COL4A4: variants seen among roughly 807,000 people sequenced by gnomAD.
COL4A4 encodes the protein collagen alpha-4(IV) chain.
A neutral mutation model predicts 192.9 loss-of-function variants in COL4A4; 105 were observed. That is an observed-to-expected ratio of 0.54 (90% confidence interval 0.46 to 0.64). COL4A4 has a LOEUF of 0.64. Among genes scored for constraint, COL4A4 ranks in the 30% least tolerant of loss-of-function variants. The probability of loss-of-function intolerance (pLI) is 0.00; values close to 1 mark genes in which losing one functional copy is unlikely to be tolerated. For missense variants in COL4A4, 1,967 were observed against 2,169.3 expected (o/e 0.91, Z 1.85); for synonymous variants, 762 against 769.9 (o/e 0.99, Z 0.17).
At chr2:226,972,923 C>A in the COL4A4 span, among the ~76,000 whole-genome samples, 52 of 130,618 alleles carry the variant, frequency 4.0e-4, no homozygotes, top group African/African-American at 9.8e-4. Context: ...GGAAGGAAGC[C>A]TGTAGCAAAA....
chr2:226,976,023 G>T, the COL4A4 span, among the ~76,000 whole-genome samples: 1 of 151,738 alleles, frequency 6.6e-6, no homozygotes, highest in African/African-American at 2.4e-5. Context: ...AGCATAGCAG[G>T]GCCTGTCTGG....
intron 33 of COL4A4, 121 bp downstream of exon 33, chr2:227,050,856 A>G (rs1973946777): frequency 4.3e-6 from 5 of 1,172,834 alleles, no homozygotes; most frequent in Non-Finnish European, 6.4e-6. Context: ...GCTACACCTT[A>G]CATTCTAAAA....
At chr2:227,029,051 A>C (rs1245543150) in intron 41 of COL4A4, among the ~76,000 whole-genome samples, 1 of 152,192 alleles carries the variant, frequency 6.6e-6, no homozygotes, top group Admixed American at 6.5e-5. Context: ...TCACTGTGTA[A>C]GTCATAAAAG....
intron 25 of COL4A4, 80 bp downstream of exon 25, chr2:227,077,814 C>T (rs561838552): frequency 7.7e-5 from 99 of 1,287,548 alleles, no homozygotes; most frequent in Admixed American, 2.4e-4. Context: ...GAATTCACCA[C>T]TATATAATTC....
chr2:227,086,749 A>G (rs1165684763), intron 22 of COL4A4, among the ~76,000 whole-genome samples: 1 of 152,184 alleles, frequency 6.6e-6, no homozygotes, highest in African/African-American at 2.4e-5. Flanking sequence ...CCGCAAAAAT[A>G]TTTTAGAGCC....
At chr2:227,138,745 A>T (rs755676130) in intron 4 of COL4A4, among the ~76,000 whole-genome samples, 6 of 152,220 alleles carry the variant, frequency 3.9e-5, no homozygotes, top group Admixed American at 6.5e-5. Context: ...GTCATAACTT[A>T]TGCTCAATAA....
At position 227,088,785 on chromosome 2, in the gene COL4A4, T is replaced by C. The variant is rs2059738609; in HGVS notation, c.1491A>G (p.Gly497=). 3 of 1,614,126 alleles carry C rather than the reference T, an allele frequency of 1.9e-6. No homozygotes were observed. The highest frequency in any genetic ancestry group is 1.7e-5 in the Admixed American group (1 of 60,016). The change falls in exon 22 of 48, where the codon GGA becomes GGG. Residue 497 remains glycine (G), a synonymous_variant. Transcript: ENST00000396625. ...CTGGAGGGCCAGGGGGGCCCATGGG[T>C]CCAGGCTCACAGGCACAGAGTCCTT... ...GNEGLCACEP[G]PMGPPGPPGL...
intron 35 of COL4A4, 132 bp from the exon 36 acceptor site, chr2:227,043,316 A>G (rs1326306062): frequency 1.3e-6 from 1 of 783,590 alleles, no homozygotes; most frequent in Middle Eastern, 3.3e-4. Flanking sequence ...TGGAAAGGAA[A>G]ATAACGTTAA....
chr2:227,050,147 A>C lies in COL4A4; in HGVS notation c.3151-16T>G. 6.2e-7 allele frequency: 1 copy of C among 1,611,198 alleles called. No individual in the cohort carries two copies. Among genetic ancestry groups the C allele is most frequent in the South Asian group, 1.1e-5 (1 of 91,046 alleles). ...CTGGCTCACCCTGACAGTTTAATGA[A>C]ACAAAAGGCCTTAATCAGATTTCAA... On this transcript the variant is annotated splice_polypyrimidine_tract_variant and intron_variant, in intron 33 of 47. Coordinates refer to ENST00000396625, the MANE Select transcript of COL4A4 (RefSeq NM_000092.5).
chr2:227,046,771 G>T (rs73076208), intron 35 of COL4A4, among the ~76,000 whole-genome samples: 4,524 of 152,056 alleles, frequency 0.03, 259 homozygotes, highest in African/African-American at 0.1. Context: ...GTAAAGCATG[G>T]AGCTGTGCAT....
chr2:227,110,650 G>C (rs1028662040), intron 9 of COL4A4, among the ~76,000 whole-genome samples: 2 of 150,372 alleles, frequency 1.3e-5, no homozygotes, highest in African/African-American at 4.9e-5. Flanking sequence ...CAAAGTGCTG[G>C]GATTACAGGT....
chr2:226,967,578 GC>G, the COL4A4 span, among the ~76,000 whole-genome samples: 1 of 131,570 alleles, frequency 7.6e-6, no homozygotes, highest in Non-Finnish European at 1.5e-5. Context: ...TGGCTTTTTG[GC>G]CTTCATGATA....
At chr2:227,128,371 G>T (rs528732245) in intron 4 of COL4A4, among the ~76,000 whole-genome samples, 1 of 152,170 alleles carries the variant, frequency 6.6e-6, no homozygotes, top group African/African-American at 2.4e-5. Flanking sequence ...AGGACACAAT[G>T]TTATTAATTG....
intron 4 of COL4A4, among the ~76,000 whole-genome samples, chr2:227,139,740 C>T (rs958308003): frequency 6.6e-6 from 1 of 152,176 alleles, no homozygotes; most frequent in Non-Finnish European, 1.5e-5. Context: ...AACACTGTGC[C>T]ACTTGTTTCA....
the COL4A4 span, among the ~76,000 whole-genome samples, chr2:226,994,050 GC>G: frequency 1.3e-5 from 2 of 152,194 alleles, no homozygotes; most frequent in African/African-American, 4.8e-5. Context: ...TGGGTCCAAG[GC>G]CATGTGTGCT....
chr2:227,041,702 GA>G lies in COL4A4; in HGVS notation c.3505+445del, dbSNP rs1559474873. Among the ~76,000 whole-genome samples the G allele has an allele frequency of 2.3e-3, 305 of 133,408 alleles. 6 individuals carry two copies. Among genetic ancestry groups the G allele is most frequent in the African/African-American group, 8.9e-3 (285 of 31,862 alleles). The allele number at this position is 133,408 out of a possible 152,430, so 87.5% of individuals were successfully genotyped here. A position where few individuals can be genotyped will look rare whatever the true frequency, so the allele number is the denominator to read the frequency against. On this transcript the variant is annotated intron_variant, in intron 37 of 47. Transcript: ENST00000396625. ...AGAAAGAAAGACAGAGAGAGAGAGA[GA>G]GAAGGAAGGAAGGGAGGAGGAAGGA... is the stretch of plus-strand genomic sequence containing the variant.
the COL4A4 span, chr2:226,996,354 A>AT: frequency 1.3e-5 from 2 of 152,226 alleles, no homozygotes; most frequent in Non-Finnish European, 2.9e-5. Flanking sequence ...TGCAGAAAGT[A>AT]TGTTTTTCCT....
At chr2:227,082,231 A>T (rs754356738) in intron 22 of COL4A4, 44 bp from the exon 23 acceptor site, 1 of 1,428,010 alleles carries the variant, frequency 7.0e-7, no homozygotes, top group African/African-American at 1.4e-5. Context: ...ATTGTGATGG[A>T]TCAACAGTTA....
intron 25 of COL4A4, among the ~76,000 whole-genome samples, chr2:227,068,413 C>A (rs1372357909): frequency 6.6e-6 from 1 of 151,936 alleles, no homozygotes. Context: ...GAGACACAAC[C>A]AAAAAAGAGA....
Sources: allele counts gnomAD v4.1 joint callset (sites outside exome capture counted in the v4.1 genomes callset), GRCh38; gene constraint gnomAD v4.1.1; transcripts MANE v1.5; gene names NCBI Gene and HGNC (gene_info 2026-07-23, HGNC 2026-07-21).